Variants in ZRANB3 observed in about 807,000 individuals in gnomAD.
ZRANB3 encodes the protein zinc finger RANBP2-type containing 3, also known as DNA annealing helicase and endonuclease ZRANB3.
A neutral mutation model predicts 133.8 loss-of-function variants in ZRANB3; 125 were observed. The ratio of observed to expected loss-of-function variants is 0.93; its 90% CI spans 0.81 to 1.08. The LOEUF is 1.08. Ranked by LOEUF, ZRANB3 falls within the 50% of genes least tolerant of loss-of-function variation. The pLI is 0.00. For synonymous variants in ZRANB3, 387 were observed against 432.7 expected, an observed-to-expected ratio of 0.89 and a Z score of 1.31; for missense variants, 1,229 against 1,275.5, an observed-to-expected ratio of 0.96 and a Z score of 0.56.
intron 2 of ZRANB3, among the ~76,000 whole-genome samples, chr2:135,451,988 G>A (rs916107902): frequency 1.3e-5 from 2 of 152,120 alleles, no homozygotes; most frequent in African/African-American, 2.4e-5. Flanking sequence ...AGAAGGGGGA[G>A]AGAAGTCAAA....
At chr2:135,296,629 G>T (rs779828345) in intron 8 of ZRANB3, among the ~76,000 whole-genome samples, 3 of 152,176 alleles carry the variant, frequency 2.0e-5, no homozygotes, top group Admixed American at 6.5e-5. Context: ...GTGAGGAGCT[G>T]CGTTCCTTTG....
At chr2:135,275,333 C>G (rs1680753952) in intron 9 of ZRANB3, among the ~76,000 whole-genome samples, 3 of 147,288 alleles carry the variant, frequency 2.0e-5, no homozygotes, top group Admixed American at 2.0e-4. Context: ...GGGTGGCTGG[C>G]CAGGCGGGGG....
At chr2:135,483,020 A>C (rs961077761) in intron 2 of ZRANB3, among the ~76,000 whole-genome samples, 14 of 152,148 alleles carry the variant, frequency 9.2e-5, no homozygotes, top group African/African-American at 3.1e-4. Flanking sequence ...TCGGTTTGCC[A>C]ATATTTTATT....
intron 12 of ZRANB3, among the ~76,000 whole-genome samples, chr2:135,237,927 A>T (rs1695372392): frequency 6.6e-6 from 1 of 152,230 alleles, no homozygotes; most frequent in Non-Finnish European, 1.5e-5. Flanking sequence ...TGTACCCTAA[A>T]AGTATAACTA....
At chr2:135,504,139 C>T in intron 2 of ZRANB3, 190 bp downstream of exon 2, 2 of 685,400 alleles carry the variant, frequency 2.9e-6, no homozygotes, top group African/African-American at 1.8e-5. Context: ...CTTAAGAAAT[C>T]ACAATTGGTT....
chr2:135,504,497 C>A lies in ZRANB3; in HGVS notation c.-7-1G>T. The A allele has an allele frequency of 3.1e-6, 5 of 1,596,578 alleles. No homozygotes were observed. Among genetic ancestry groups the A allele is most frequent in the South Asian group, 2.3e-5 (2 of 86,762 alleles). ...GTTATGAACCCTAGGCATGATGATCCTAAAAACAAAGAAACAACAAAAAAG... is the reference window on the plus strand; with the variant it reads ...GTTATGAACCCTAGGCATGATGATCATAAAAACAAAGAAACAACAAAAAAG... On this transcript the variant is annotated splice_acceptor_variant, in intron 1 of 20. Coordinates refer to ENST00000264159, the MANE Select transcript of ZRANB3 (RefSeq NM_032143.4). LOFTEE classifies it low-confidence loss of function (5UTR_SPLICE).
At chr2:135,214,460 T>G (rs569308882) in intron 17 of ZRANB3, among the ~76,000 whole-genome samples, 4 of 152,144 alleles carry the variant, frequency 2.6e-5, no homozygotes, top group African/African-American at 9.6e-5. Context: ...CTTTTAAATC[T>G]GATCAGTCAC....
chr2:135,265,505 A>G, intron 12 of ZRANB3, 29 bp downstream of exon 12: 1 of 1,557,724 alleles, frequency 6.4e-7, no homozygotes, highest in Non-Finnish European at 8.7e-7. Flanking sequence ...ACTAAAAAAA[A>G]TAGAAAAGAG....
At chr2:135,494,159 A>AAGGG (rs1491137573) in intron 2 of ZRANB3, among the ~76,000 whole-genome samples, 134 of 90,792 alleles carry the variant, frequency 1.5e-3, no homozygotes, top group South Asian at 0.013. Flanking sequence ...GGAAGGAAGG[A>AAGGG]AGGAAGGGAG....
intron 3 of ZRANB3, among the ~76,000 whole-genome samples, chr2:135,354,405 A>G (rs1685339180): frequency 1.3e-5 from 2 of 152,172 alleles, no homozygotes; most frequent in African/African-American, 2.4e-5. Flanking sequence ...GTGTCTTCCC[A>G]CTTGATTTGT....
intron 2 of ZRANB3, among the ~76,000 whole-genome samples, chr2:135,435,921 C>T (rs1250935630): frequency 6.6e-6 from 1 of 152,088 alleles, no homozygotes; most frequent in African/African-American, 2.4e-5. Flanking sequence ...AAATATTTTT[C>T]TCTCATTCTG....
chr2:135,386,345 C>G (rs1427041041), intron 3 of ZRANB3, among the ~76,000 whole-genome samples: 4 of 152,098 alleles, frequency 2.6e-5, no homozygotes, highest in African/African-American at 9.7e-5. Context: ...GGAAACAACA[C>G]ATGCTGGAGA....
intron 14 of ZRANB3, among the ~76,000 whole-genome samples, chr2:135,225,069 T>A (rs1694706121): frequency 6.6e-6 from 1 of 152,208 alleles, no homozygotes; most frequent in African/African-American, 2.4e-5. Flanking sequence ...TTGCAGGAGA[T>A]ACAGGATTAT....
intron 12 of ZRANB3, among the ~76,000 whole-genome samples, chr2:135,248,919 A>C (rs927200501): frequency 6.6e-6 from 1 of 152,084 alleles, no homozygotes. Context: ...AACAACAACA[A>C]CAAAAAAAAG....
At chr2:135,449,024 C>G (rs1245685785) in intron 2 of ZRANB3, among the ~76,000 whole-genome samples, 1 of 152,170 alleles carries the variant, frequency 6.6e-6, no homozygotes, top group Non-Finnish European at 1.5e-5. Flanking sequence ...TAGGTGATTA[C>G]AACTACACTG....
chr2:135,243,386 G>C (rs577107869), intron 12 of ZRANB3, among the ~76,000 whole-genome samples: 6 of 152,100 alleles, frequency 3.9e-5, no homozygotes, highest in African/African-American at 1.4e-4. Flanking sequence ...TAGCGTTGGC[G>C]CCTGTAATCC....
At chr2:135,424,279 T>G (rs1439599986) in intron 2 of ZRANB3, among the ~76,000 whole-genome samples, 1 of 151,286 alleles carries the variant, frequency 6.6e-6, no homozygotes, top group Non-Finnish European at 1.5e-5. Context: ...TGAGGAAAAT[T>G]TTCACAAAAC....
At chr2:135,277,851 G>A (rs1363912209) in intron 8 of ZRANB3, among the ~76,000 whole-genome samples, 1 of 151,460 alleles carries the variant, frequency 6.6e-6, no homozygotes, top group African/African-American at 2.4e-5. Context: ...CTTGAACCTG[G>A]GAGGTGGAGG....
intron 13 of ZRANB3, among the ~76,000 whole-genome samples, chr2:135,228,989 CTT>C (rs531398850): frequency 1.5e-4 from 23 of 152,190 alleles, no homozygotes; most frequent in African/African-American, 5.3e-4. Flanking sequence ...TAAATTATGA[CTT>C]TTGTTGCTAA....
Sources: allele counts gnomAD v4.1 joint callset (sites outside exome capture counted in the v4.1 genomes callset), GRCh38; gene constraint gnomAD v4.1.1; transcripts MANE v1.5; gene names NCBI Gene and HGNC (gene_info 2026-07-23, HGNC 2026-07-21).